Variants in RANBP2 observed in about 807,000 individuals in gnomAD.
The protein encoded by RANBP2 is E3 SUMO-protein ligase RanBP2.
In RANBP2, 57 loss-of-function variants were observed where a neutral mutation model predicts 303.6. The observed-to-expected ratio is 0.19, with a 90% CI of 0.15 to 0.23. The LOEUF is 0.23. Among genes scored for constraint, RANBP2 ranks in the 10% least tolerant of loss-of-function variants. RANBP2 has a pLI of 1.00. For missense variants in RANBP2, 3,138 were observed against 3,780.8 expected (o/e 0.83, Z 4.46); for synonymous variants, 1,167 against 1,301.5 (o/e 0.90, Z 2.23).
chr2:108,772,000 C>G, intron 21 of RANBP2, 129 bp downstream of exon 21: 3 of 1,191,652 alleles, frequency 2.5e-6, no homozygotes, highest in Non-Finnish European at 3.6e-6. Flanking sequence ...GATATTTACC[C>G]TAAATGTATG....
the RANBP2 span, among the ~76,000 whole-genome samples, chr2:109,654,930 T>G: frequency 6.7e-6 from 1 of 149,084 alleles, no homozygotes; most frequent in Non-Finnish European, 1.5e-5. Context: ...TGAGATGGAG[T>G]CTTGCTCAGT....
the RANBP2 span, among the ~76,000 whole-genome samples, chr2:109,682,742 C>G: frequency 6.6e-6 from 1 of 152,108 alleles, no homozygotes; most frequent in Non-Finnish European, 1.5e-5. Context: ...GATTTCCAGA[C>G]CAACCCGGGC....
At position 108,751,530 on chromosome 2, in the gene RANBP2, A is replaced by G. The variant is rs1675880456; in HGVS notation, c.1458A>G (p.Val486=). The G allele has an allele frequency of 6.2e-7, 1 of 1,610,966 alleles. No individual in the cohort carries two copies. Among genetic ancestry groups the G allele is most frequent in the African/African-American group, 1.3e-5 (1 of 74,678 alleles). Reference sequence around the variant, plus strand: ...TAACTTTTCCTTAAATAAAACAGGTATTTCTCCTTGGAGTAGTATATACCA... The same window carrying G: ...TAACTTTTCCTTAAATAAAACAGGTGTTTCTCCTTGGAGTAGTATATACCA... ...PESICILDLE[V]FLLGVVYTSH... is the part of the protein sequence containing the mutation. Residue 486 remains valine, a splice_region_variant and synonymous_variant, in exon 11 of 29, where the codon GTA becomes GTG. Coordinates refer to ENST00000283195, the MANE Select transcript of RANBP2 (RefSeq NM_006267.5).
chr2:109,111,178 T>C, the RANBP2 span, among the ~76,000 whole-genome samples: 2 of 152,208 alleles, frequency 1.3e-5, no homozygotes, highest in African/African-American at 4.8e-5. Flanking sequence ...GCATTCTTTA[T>C]CATGAATCAA....
At chr2:109,481,123 G>A in the RANBP2 span, among the ~76,000 whole-genome samples, 1 of 152,220 alleles carries the variant, frequency 6.6e-6, no homozygotes, top group Non-Finnish European at 1.5e-5. Flanking sequence ...AAAGGCAGGA[G>A]AAGAAACCCT....
the RANBP2 span, among the ~76,000 whole-genome samples, chr2:109,701,054 G>A: frequency 3.9e-5 from 6 of 152,294 alleles, no homozygotes; most frequent in South Asian, 8.3e-4. Flanking sequence ...CAGGAGACGC[G>A]TTCACAGGAG....
chr2:109,493,099 C>G, the RANBP2 span, among the ~76,000 whole-genome samples: 3 of 150,894 alleles, frequency 2.0e-5, no homozygotes, highest in Non-Finnish European at 4.4e-5. Flanking sequence ...CAAACATACA[C>G]ATACACCACA....
chr2:109,586,688 CCATCTTG>C, the RANBP2 span, among the ~76,000 whole-genome samples: 1 of 152,138 alleles, frequency 6.6e-6, no homozygotes, highest in African/African-American at 2.4e-5. Flanking sequence ...TTTTCAAGTG[CCATCTTG>C]GAGAGATGGA....
the RANBP2 span, among the ~76,000 whole-genome samples, chr2:109,170,501 A>G: frequency 6.6e-6 from 1 of 151,960 alleles, no homozygotes; most frequent in Non-Finnish European, 1.5e-5. Flanking sequence ...GCACACCACC[A>G]TGCCTGGCTA....
the RANBP2 span, among the ~76,000 whole-genome samples, chr2:109,562,290 AC>A: frequency 1.3e-5 from 2 of 151,250 alleles, no homozygotes; most frequent in African/African-American, 4.9e-5. Flanking sequence ...CTCTGTCACT[AC>A]CCCTCTCTTT....
chr2:109,659,996 TC>T, the RANBP2 span, among the ~76,000 whole-genome samples: 2 of 152,182 alleles, frequency 1.3e-5, no homozygotes, highest in Non-Finnish European at 2.9e-5. Flanking sequence ...CTGGGGTCAG[TC>T]CCAGTGAGGC....
At chr2:109,124,947 A>G in the RANBP2 span, among the ~76,000 whole-genome samples, 1 of 152,354 alleles carries the variant, frequency 6.6e-6, no homozygotes, top group East Asian at 1.9e-4. Context: ...AATGTGCATC[A>G]ATTTGGGTTC....
the RANBP2 span, among the ~76,000 whole-genome samples, chr2:109,497,028 C>A: frequency 6.6e-6 from 1 of 152,180 alleles, no homozygotes; most frequent in Non-Finnish European, 1.5e-5. Context: ...CAGCTTCTAC[C>A]CTAGAGCCTG....
At chr2:109,296,877 G>A in the RANBP2 span, among the ~76,000 whole-genome samples, 1 of 152,200 alleles carries the variant, frequency 6.6e-6, no homozygotes, top group Non-Finnish European at 1.5e-5. Context: ...CTATAGCATT[G>A]CCAGATGTTA....
chr2:109,319,586 C>T, the RANBP2 span, among the ~76,000 whole-genome samples: 2 of 152,234 alleles, frequency 1.3e-5, no homozygotes, highest in Non-Finnish European at 2.9e-5. Context: ...GGGCTCGTTC[C>T]AGAACAGAAA....
chr2:108,898,373 T>C, the RANBP2 span, among the ~76,000 whole-genome samples: 2 of 152,116 alleles, frequency 1.3e-5, no homozygotes, highest in Admixed American at 1.3e-4. Flanking sequence ...CCCCCTTGAG[T>C]GTTAGTGAAG....
the RANBP2 span, among the ~76,000 whole-genome samples, chr2:109,042,641 A>G: frequency 1.3e-5 from 2 of 152,180 alleles, no homozygotes; most frequent in Non-Finnish European, 2.9e-5. Context: ...ATTCTTGTCT[A>G]TGTTGTTAGC....
At chr2:109,398,925 G>A in the RANBP2 span, 37 of 1,612,170 alleles carry the variant, frequency 2.3e-5, no homozygotes, top group Non-Finnish European at 3.0e-5. Context: ...CTCATCTGTC[G>A]TGCGCTGCTC....
At chr2:108,915,093 G>C in the RANBP2 span, among the ~76,000 whole-genome samples, 7 of 151,676 alleles carry the variant, frequency 4.6e-5, no homozygotes, top group South Asian at 4.1e-4. Flanking sequence ...ATTTTTTATA[G>C]AGAAAAATGC....
Sources: gnomAD v4.1 joint callset for allele counts (sites outside exome capture counted in the v4.1 genomes callset) on GRCh38, gnomAD v4.1.1 for gene constraint, MANE v1.5 for transcripts, NCBI Gene and HGNC (gene_info 2026-07-23, HGNC 2026-07-21) for gene names.